Variants in ANGPTL1 observed in about 807,000 individuals in gnomAD.
ANGPTL1 encodes angiopoietin-related protein 1.
ANGPTL1 carries 36 observed loss-of-function variants against 46.7 expected under a neutral mutation model. The ratio of observed to expected loss-of-function variants is 0.77; its 90% CI spans 0.59 to 1.02. The LOEUF (loss-of-function observed/expected upper bound fraction) is 1.02, where lower values mean the gene tolerates loss of function less well. Among genes scored for constraint, ANGPTL1 ranks in the 50% least tolerant of loss-of-function variants. The pLI is 0.00. For synonymous variants in ANGPTL1, 221 were observed against 204.3 expected (o/e 1.08, Z -0.69); for missense variants, 571 against 594.7 (o/e 0.96, Z 0.41).
At chr1:178,864,477 G>C (rs1658247383) in intron 3 of ANGPTL1, among the ~76,000 whole-genome samples, 1 of 152,134 alleles carries the variant, frequency 6.6e-6, no homozygotes, top group African/African-American at 2.4e-5. Flanking sequence ...TGAGTCATCT[G>C]CTGAGAGTGG....
chr1:178,866,316 A>G (rs1658405764), intron 2 of ANGPTL1, among the ~76,000 whole-genome samples: 1 of 152,182 alleles, frequency 6.6e-6, no homozygotes, highest in Admixed American at 6.6e-5. Flanking sequence ...GATCCTCTGT[A>G]ATAAATTATG....
rs71108081 is a variant in ANGPTL1 at position 178,856,394 on chromosome 1, A to ATTTTTTTTTTTTTTTTTTTTTTTT, written c.824-2631_824-2608dup. On this transcript the variant is annotated intron_variant, in intron 3 of 5. Coordinates refer to ENST00000234816, the MANE Select transcript of ANGPTL1 (RefSeq NM_004673.4). Reference sequence around the variant, plus strand: ...AGGCAAGTGCCACCCTGCCTGGCTAATTTTTTTTTTTTTTTTTTTTTTTTT... The same window carrying ATTTTTTTTTTTTTTTTTTTTTTTT: ...AGGCAAGTGCCACCCTGCCTGGCTAATTTTTTTTTTTTTTTTTTTTTTTTTTTTTTTTTTTTTTTTTTTTTTTTT... Among the ~76,000 whole-genome samples, 5 of 36,430 alleles carry ATTTTTTTTTTTTTTTTTTTTTTTT rather than the reference A, an allele frequency of 1.4e-4. 1 individual carries two copies. The highest frequency in any genetic ancestry group is 5.8e-4 in the African/African-American group (4 of 6,866). The allele number at this position is 36,430 out of a possible 152,430, so 23.9% of individuals were successfully genotyped here. A position where few individuals can be genotyped will look rare whatever the true frequency, so the allele number is the denominator to read the frequency against.
chr1:178,851,031 GA>G lies in ANGPTL1; in HGVS notation c.*97del. 1 of 1,154,986 alleles carries G rather than the reference GA, an allele frequency of 8.7e-7. No homozygotes were observed. The highest frequency in any genetic ancestry group is 1.2e-6 in the Non-Finnish European group (1 of 851,718). The allele number at this position is 1,154,986 out of a possible 1,614,324, so 71.5% of individuals were successfully genotyped here. A position where few individuals can be genotyped will look rare whatever the true frequency, so the allele number is the denominator to read the frequency against. On this transcript the variant is annotated 3_prime_UTR_variant, in exon 6 of 6. Transcript: ENST00000234816. ...ATTCATTTTAAAAACTTTCTGTGTA[GA>G]AATAAATTGTGCCAAGTAATATACA...
chr1:178,849,855 T>C lies in ANGPTL1; in HGVS notation c.*1274A>G, dbSNP rs1196416775. On this transcript the variant is annotated 3_prime_UTR_variant, in exon 6 of 6. Coordinates refer to ENST00000234816, the MANE Select transcript of ANGPTL1 (RefSeq NM_004673.4). ...TCCCATGCATAGTTTGCCTCACACA[T>C]TTCAATTCGAGGTTTTCTTTTTGCT... 1 of 152,232 alleles carries C rather than the reference T, an allele frequency of 6.6e-6. No homozygotes were observed. The highest frequency in any genetic ancestry group is 2.4e-5 in the African/African-American group (1 of 41,474). 9.4% of individuals were successfully genotyped at this position (152,232 alleles called of 1,614,324 possible). A position where few individuals can be genotyped will look rare whatever the true frequency, so the allele number is the denominator to read the frequency against.
intron 3 of ANGPTL1, among the ~76,000 whole-genome samples, chr1:178,862,679 G>A (rs1658119220): frequency 6.6e-6 from 1 of 151,866 alleles, no homozygotes; most frequent in Admixed American, 6.6e-5. Context: ...CTTTGAGTAG[G>A]CAGAAAGCAT....
chr1:178,859,934 G>C (rs997795217), intron 3 of ANGPTL1, among the ~76,000 whole-genome samples: 3 of 151,054 alleles, frequency 2.0e-5, no homozygotes, highest in African/African-American at 7.3e-5. Context: ...AGCCAGGATG[G>C]TCTCGATCTC....
chr1:178,860,770 T>G (rs1294122145), intron 3 of ANGPTL1, among the ~76,000 whole-genome samples: 1 of 152,162 alleles, frequency 6.6e-6, no homozygotes, highest in Non-Finnish European at 1.5e-5. Context: ...ATGTGGAGAC[T>G]TTAGAATGAC....
intron 4 of ANGPTL1, chr1:178,853,300 A>G: frequency 1.2e-6 from 1 of 823,966 alleles, no homozygotes; most frequent in Non-Finnish European, 1.5e-6. Context: ...TCTCATATTC[A>G]TCTAAAGAGC....
chr1:178,860,128 A>C (rs1407707025), intron 3 of ANGPTL1, among the ~76,000 whole-genome samples: 2 of 152,134 alleles, frequency 1.3e-5, no homozygotes, highest in African/African-American at 4.8e-5. Flanking sequence ...TTCTCCACTC[A>C]GCTCTCCTAC....
intron 3 of ANGPTL1, among the ~76,000 whole-genome samples, chr1:178,862,047 A>G (rs1487589892): frequency 6.6e-6 from 1 of 151,926 alleles, no homozygotes; most frequent in East Asian, 1.9e-4. Context: ...ACTTTTTTGT[A>G]TTTTTAGTAG....
At chr1:178,852,371 G>A (rs561138819) in intron 5 of ANGPTL1, among the ~76,000 whole-genome samples, 17 of 152,172 alleles carry the variant, frequency 1.1e-4, no homozygotes, top group Non-Finnish European at 2.1e-4. Context: ...AACAGTGCCT[G>A]GCACGTGGTA....
chr1:178,864,994 T>C lies in ANGPTL1; in HGVS notation c.783A>G (p.Lys261=). 1.4e-6 allele frequency: 2 copies of C among 1,470,162 alleles called. No homozygotes were observed. Among genetic ancestry groups the C allele is most frequent in the Non-Finnish European group, 1.8e-6 (2 of 1,110,572 alleles). 91.1% of individuals were successfully genotyped at this position (1,470,162 alleles called of 1,614,324 possible). A position where few individuals can be genotyped will look rare whatever the true frequency, so the allele number is the denominator to read the frequency against. The change falls in exon 3 of 6, where the codon AAA becomes AAG. Residue 261 remains lysine (K), a synonymous_variant. Transcript: ENST00000234816. ...TTACCGGTGGTATCTTGAAAGGGCT[T>C]TTGGTGGGAGAAGTTGCCAGATCAG... ...PPPDLATSPT[K]SPFKIPPVTF...
In ANGPTL1 at chr1:178,865,102, G is replaced by A. The variant is rs1658298629; in HGVS notation, c.675C>T (p.Asn225=). 2 of 1,567,704 alleles carry A rather than the reference G, an allele frequency of 1.3e-6. No homozygotes were observed. The highest frequency in any genetic ancestry group is 1.7e-6 in the Non-Finnish European group (2 of 1,154,838). Reference sequence around the variant, plus strand: ...GCAGACCAGGAGTATACTGTTGGCTGTTAGGAATATGTTGTGGCACCACCT... The same window carrying A: ...GCAGACCAGGAGTATACTGTTGGCTATTAGGAATATGTTGTGGCACCACCT... ...LVQVVPQHIP[N]SQQYTPGLLG... is the part of the protein sequence containing the mutation. The change falls in exon 3 of 6, where the codon AAC becomes AAT. Residue 225 remains asparagine, a synonymous_variant. Transcript: ENST00000234816.
chr1:178,853,234 T>C, intron 4 of ANGPTL1: 2 of 983,518 alleles, frequency 2.0e-6, no homozygotes, highest in Non-Finnish European at 2.4e-6. Context: ...TATCCATAGC[T>C]ACTAAAAATA....
In ANGPTL1 at chr1:178,850,497, AT is replaced by A. The variant is rs1029485201; in HGVS notation, c.*631del. 1.3e-5 allele frequency: 2 copies of A among 150,984 alleles called. No homozygotes were observed. Among genetic ancestry groups the A allele is most frequent in the Non-Finnish European group, 3.0e-5 (2 of 67,778 alleles). 9.4% of individuals were successfully genotyped at this position (150,984 alleles called of 1,614,324 possible). Reference sequence around the variant, plus strand: ...TGACCATTTAAATTATGCATGCATTATTTTTGGGTTTTTTTTTATTTTTAAA... The same window carrying A: ...TGACCATTTAAATTATGCATGCATTATTTTGGGTTTTTTTTTATTTTTAAA... On this transcript the variant is annotated 3_prime_UTR_variant, in exon 6 of 6. Transcript: ENST00000234816.
intron 3 of ANGPTL1, among the ~76,000 whole-genome samples, chr1:178,855,672 C>T (rs911324204): frequency 2.6e-5 from 4 of 151,748 alleles, no homozygotes; most frequent in East Asian, 1.9e-4. Flanking sequence ...TCTTTGCATT[C>T]GTTATAAACA....
At chr1:178,858,962 T>C (rs1027940081) in intron 3 of ANGPTL1, among the ~76,000 whole-genome samples, 2 of 152,176 alleles carry the variant, frequency 1.3e-5, no homozygotes, top group Admixed American at 6.5e-5. Context: ...AGTAGGATCT[T>C]TTGAGAGGTA....
chr1:178,858,883 C>T (rs891500156), intron 3 of ANGPTL1, among the ~76,000 whole-genome samples: 26 of 152,142 alleles, frequency 1.7e-4, no homozygotes, highest in South Asian at 2.1e-4. Flanking sequence ...TTACAGATTA[C>T]AAAGAGAATC....
chr1:178,861,024 A>G (rs1657970998), intron 3 of ANGPTL1, among the ~76,000 whole-genome samples: 1 of 152,194 alleles, frequency 6.6e-6, no homozygotes, highest in Non-Finnish European at 1.5e-5. Flanking sequence ...GAATATTAGA[A>G]TTTGAAAAGG....
Sources: gnomAD v4.1 joint callset for allele counts (sites outside exome capture counted in the v4.1 genomes callset) on GRCh38, gnomAD v4.1.1 for gene constraint, MANE v1.5 for transcripts, NCBI Gene and HGNC (gene_info 2026-07-23, HGNC 2026-07-21) for gene names.